RABGAP1L: variants seen among roughly 807,000 people sequenced by gnomAD.
The protein encoded by RABGAP1L is RAB GTPase activating protein 1 like, also known as rab GTPase-activating protein 1-like.
In RABGAP1L, 63 loss-of-function variants were observed where a neutral mutation model predicts 137.7. The ratio of observed to expected loss-of-function variants is 0.46; its 90% confidence interval spans 0.37 to 0.56. RABGAP1L has a LOEUF of 0.56. Ranked by LOEUF, RABGAP1L falls within the 20% of genes least tolerant of loss-of-function variation. The pLI, the probability that RABGAP1L is intolerant of heterozygous loss-of-function variation, is 0.00. For synonymous variants in RABGAP1L, 431 were observed against 433.7 expected (o/e 0.99, Z 0.08); for missense variants, 1,095 against 1,244.0 (o/e 0.88, Z 1.80).
intron 8 of RABGAP1L, 92 bp from the exon 9 acceptor site, chr1:174,275,741 T>C: frequency 1.1e-6 from 1 of 892,214 alleles, no homozygotes; most frequent in Non-Finnish European, 1.7e-6. Context: ...AATCTAAATT[T>C]TAATAATTTG....
At chr1:174,509,436 A>G (rs1472637465) in intron 13 of RABGAP1L, among the ~76,000 whole-genome samples, 1 of 152,078 alleles carries the variant, frequency 6.6e-6, no homozygotes, top group African/African-American at 2.4e-5. Context: ...CAGGTAATGT[A>G]CAATAATACA....
rs539038327 is a variant in RABGAP1L at position 174,401,704 on chromosome 1, A to G, written c.1710+7559A>G. Reference sequence around the variant, plus strand: ...GCTAAGCACTAGACATGTAAAGAAGACTAATACCTATACCCTATCCTTGAG... The same window carrying G: ...GCTAAGCACTAGACATGTAAAGAAGGCTAATACCTATACCCTATCCTTGAG... On this transcript the variant is annotated intron_variant, in intron 13 of 25. Coordinates refer to ENST00000681986, the MANE Select transcript of RABGAP1L (RefSeq NM_001366446.1). Among the ~76,000 whole-genome samples, 3 of 152,290 alleles carry G rather than the reference A, an allele frequency of 2.0e-5. No individual in the cohort carries two copies. The East Asian group carries it at 5.8e-4, about 29-fold the overall frequency.
At chr1:174,680,849 C>T (rs886673646) in intron 14 of RABGAP1L, among the ~76,000 whole-genome samples, 2 of 151,860 alleles carry the variant, frequency 1.3e-5, no homozygotes, top group South Asian at 2.1e-4. Flanking sequence ...ATCATGCCAC[C>T]GCACACCAGC....
At chr1:174,499,099 G>T (rs1027528054) in intron 13 of RABGAP1L, among the ~76,000 whole-genome samples, 1 of 151,762 alleles carries the variant, frequency 6.6e-6, no homozygotes, top group African/African-American at 2.4e-5. Flanking sequence ...TAGAACTGGG[G>T]GGAAAATTAA....
chr1:174,222,816 G>T (rs1669861605), intron 3 of RABGAP1L, among the ~76,000 whole-genome samples: 2 of 152,158 alleles, frequency 1.3e-5, no homozygotes, highest in African/African-American at 4.8e-5. Context: ...AAGTATTTAA[G>T]AAAGTGAATG....
At chr1:174,306,938 T>A (rs1678321954) in intron 11 of RABGAP1L, among the ~76,000 whole-genome samples, 1 of 152,220 alleles carries the variant, frequency 6.6e-6, no homozygotes, top group South Asian at 2.1e-4. Context: ...CTTAGAATTC[T>A]CAGTCTTGCT....
At chr1:174,501,203 C>T (rs1279725296) in intron 13 of RABGAP1L, among the ~76,000 whole-genome samples, 1 of 151,398 alleles carries the variant, frequency 6.6e-6, no homozygotes, top group Non-Finnish European at 1.5e-5. Flanking sequence ...TTGATTTTCT[C>T]ACTTTGTTTA....
intron 1 of RABGAP1L, among the ~76,000 whole-genome samples, chr1:174,218,047 T>C (rs1398031001): frequency 6.6e-6 from 1 of 152,190 alleles, no homozygotes; most frequent in African/African-American, 2.4e-5. Flanking sequence ...TCTTTAGCCC[T>C]AGCCTGCTTG....
intron 19 of RABGAP1L, among the ~76,000 whole-genome samples, chr1:174,822,515 C>T (rs1380941469): frequency 6.6e-6 from 1 of 152,216 alleles, no homozygotes; most frequent in Non-Finnish European, 1.5e-5. Flanking sequence ...AAAAACTCAG[C>T]TTTTGTGGCC....
intron 15 of RABGAP1L, among the ~76,000 whole-genome samples, chr1:174,685,466 G>A (rs1678387362): frequency 6.6e-6 from 1 of 152,012 alleles, no homozygotes; most frequent in Admixed American, 6.6e-5. Flanking sequence ...TGTTAGCCAG[G>A]ATGGTCTTGA....
At chr1:174,843,452 C>T (rs908732118) in intron 19 of RABGAP1L, among the ~76,000 whole-genome samples, 8 of 150,374 alleles carry the variant, frequency 5.3e-5, no homozygotes, top group Admixed American at 4.0e-4. Flanking sequence ...TGTTCAATTC[C>T]CACCTATGAG....
At chr1:174,615,697 C>G (rs1156428797) in intron 13 of RABGAP1L, among the ~76,000 whole-genome samples, 15 of 152,178 alleles carry the variant, frequency 9.9e-5, no homozygotes, top group Non-Finnish European at 1.8e-4. Context: ...CCTACAGAGG[C>G]AGGCAGGCCT....
intron 13 of RABGAP1L, among the ~76,000 whole-genome samples, chr1:174,636,408 A>T (rs1557934731): frequency 6.6e-6 from 1 of 151,976 alleles, no homozygotes; most frequent in Non-Finnish European, 1.5e-5. Flanking sequence ...GGCACCTGTA[A>T]TCCCAGCTAC....
At chr1:174,456,374 A>G (rs931628061) in intron 13 of RABGAP1L, among the ~76,000 whole-genome samples, 2 of 152,108 alleles carry the variant, frequency 1.3e-5, no homozygotes, top group African/African-American at 4.8e-5. Flanking sequence ...AGACATCAAA[A>G]TCACGTTATA....
At chr1:174,620,721 AG>A (rs1204116905) in intron 13 of RABGAP1L, among the ~76,000 whole-genome samples, 1 of 152,234 alleles carries the variant, frequency 6.6e-6, no homozygotes, top group African/African-American at 2.4e-5. Flanking sequence ...CACAATTAAA[AG>A]AACTAGAGAA....
intron 19 of RABGAP1L, among the ~76,000 whole-genome samples, chr1:174,842,479 A>G (rs1324256415): frequency 6.6e-6 from 1 of 152,214 alleles, no homozygotes; most frequent in African/African-American, 2.4e-5. Flanking sequence ...TCTCCACTGC[A>G]TAAATAATTC....
intron 1 of RABGAP1L, among the ~76,000 whole-genome samples, chr1:174,218,122 T>A: frequency 6.6e-6 from 1 of 152,110 alleles, no homozygotes; most frequent in Non-Finnish European, 1.5e-5. Context: ...AGGGTTCTTT[T>A]TTGTCTTTCA....
At chr1:174,495,841 T>C (rs1204217925) in intron 13 of RABGAP1L, among the ~76,000 whole-genome samples, 1 of 152,030 alleles carries the variant, frequency 6.6e-6, no homozygotes, top group Non-Finnish European at 1.5e-5. Context: ...CACATATGAG[T>C]TTATCGATAG....
Position 174,711,610 on chromosome 1 carries a change from G to A in RABGAP1L, c.2169+9354G>A, listed in dbSNP as rs535838984. Among the ~76,000 whole-genome samples the A allele has an allele frequency of 9.2e-5, 14 of 152,284 alleles. No individual in the cohort carries two copies. The South Asian group carries it at 2.9e-3, about 32-fold the overall frequency. On this transcript the variant is annotated intron_variant, in intron 17 of 25. Transcript: ENST00000681986. ...CCACCCGCACCACGCTCGAATTCTC[G>A]CCAGGCCTTAGCTGCCTCCCCATAG...
Sources: gnomAD v4.1 joint callset for allele counts (sites outside exome capture counted in the v4.1 genomes callset) on GRCh38, gnomAD v4.1.1 for gene constraint, MANE v1.5 for transcripts, NCBI Gene and HGNC (gene_info 2026-07-23, HGNC 2026-07-21) for gene names.